Variants in CMIP observed in about 807,000 individuals in gnomAD.
CMIP encodes c-Maf inducing protein.
A neutral mutation model predicts 97.3 loss-of-function variants in CMIP; 13 were observed. The ratio of observed to expected loss-of-function variants is 0.13; its 90% CI spans 0.09 to 0.21. The LOEUF (loss-of-function observed/expected upper bound fraction) is 0.21. CMIP is among the 10% of genes least tolerant of loss of function. CMIP has a pLI of 1.00. For synonymous variants in CMIP, 538 were observed against 436.3 expected, an observed-to-expected ratio of 1.23 and a Z score of -2.91; for missense variants, 847 against 1,024.9, an observed-to-expected ratio of 0.83 and a Z score of 2.37.
chr16:81,620,750 T>C (rs1428568699), intron 2 of CMIP, 126 bp from the exon 3 acceptor site: 1 of 1,087,148 alleles, frequency 9.2e-7, no homozygotes, highest in African/African-American at 1.6e-5. Flanking sequence ...TTCAGCAGGC[T>C]TGTTAGGGTC....
chr16:81,586,741 C>T (rs544442510), intron 1 of CMIP, among the ~76,000 whole-genome samples: 26 of 152,314 alleles, frequency 1.7e-4, no homozygotes, highest in Non-Finnish European at 3.4e-4. Context: ...TCCACACCTG[C>T]ACACATACAC....
At chr16:81,452,909 A>G (rs1597443715) in intron 1 of CMIP, among the ~76,000 whole-genome samples, 1 of 128,868 alleles carries the variant, frequency 7.8e-6, no homozygotes, top group Non-Finnish European at 1.6e-5. Flanking sequence ...TTTTTTGCAA[A>G]CCTGGCTGCC....
At chr16:81,500,272 G>GTCCTTCCTTCCTTCCTTACTTCCT (rs2089576130) in intron 1 of CMIP, among the ~76,000 whole-genome samples, 1 of 64,792 alleles carries the variant, frequency 1.5e-5, no homozygotes, top group Non-Finnish European at 3.0e-5. Flanking sequence ...CCTTCCTTCC[G>GTCCTTCCTTCCTTCCTTACTTCCT]TCCTTCCTTC....
chr16:81,701,945 C>T (rs975989206), intron 16 of CMIP, 145 bp downstream of exon 16: 16 of 949,214 alleles, frequency 1.7e-5, no homozygotes, highest in Non-Finnish European at 2.4e-5. Flanking sequence ...GGTATTACCA[C>T]CTGCCACTTT....
Position 81,678,592 on chromosome 16 carries a change from G to T in CMIP, c.1352G>T (p.Arg451Leu), listed in dbSNP as rs959941897. 3 of 1,597,346 alleles carry T rather than the reference G, an allele frequency of 1.9e-6. No homozygotes were observed. Among genetic ancestry groups the T allele is most frequent in the Non-Finnish European group, 2.6e-6 (3 of 1,170,260 alleles). The change falls in exon 10 of 21, where the codon CGC (arginine) becomes CTC (leucine). Residue 451 changes from arginine (R) to leucine (L), a missense_variant. By Grantham distance (102) the Arg-to-Leu change is moderately radical. Coordinates refer to ENST00000537098, the MANE Select transcript of CMIP (RefSeq NM_198390.3). Reference protein sequence around the residue: ...MSIELGPQADRTLGCYVEILK... With the variant: ...MSIELGPQADLTLGCYVEILK... The stretch of plus-strand genomic sequence containing the variant: ...ATCGAGCTGGGCCCCCAGGCCGACC[G>T]CACGCTCGGCTGCTACGTGGAAATC...
chr16:81,705,368 C>A (rs910185006), intron 18 of CMIP, 131 bp from the exon 19 acceptor site: 3 of 644,856 alleles, frequency 4.7e-6, no homozygotes, highest in Admixed American at 2.8e-5. Flanking sequence ...AGCCCAGACC[C>A]CAGGGCTTGG....
At chr16:81,474,813 CTG>C (rs947155750) in intron 1 of CMIP, among the ~76,000 whole-genome samples, 13 of 151,584 alleles carry the variant, frequency 8.6e-5, no homozygotes, top group Non-Finnish European at 1.0e-4. Context: ...AGGACAGTCT[CTG>C]TGCCTAGGCC....
chr16:81,486,097 C>G (rs955815073), intron 1 of CMIP, among the ~76,000 whole-genome samples: 1 of 152,250 alleles, frequency 6.6e-6, no homozygotes, highest in Non-Finnish European at 1.5e-5. Context: ...TCACTCTGTT[C>G]TTGGCGTGTT....
intron 1 of CMIP, among the ~76,000 whole-genome samples, chr16:81,533,012 C>T (rs908093367): frequency 6.6e-6 from 1 of 152,134 alleles, no homozygotes; most frequent in Non-Finnish European, 1.5e-5. Context: ...ACCACACGCT[C>T]CCTCGCTTCC....
intron 1 of CMIP, among the ~76,000 whole-genome samples, chr16:81,592,410 C>T (rs1328584787): frequency 6.6e-6 from 1 of 152,196 alleles, no homozygotes; most frequent in Admixed American, 6.5e-5. Context: ...GCGCTCCCCT[C>T]CTTACCTTGA....
chr16:81,617,926 A>C (rs1597153001), intron 2 of CMIP, among the ~76,000 whole-genome samples: 1 of 152,338 alleles, frequency 6.6e-6, no homozygotes, highest in East Asian at 1.9e-4. Context: ...CAGTGGACAC[A>C]GAAGAGGGAG....
At chr16:81,605,428 G>T (rs748418461) in intron 1 of CMIP, among the ~76,000 whole-genome samples, 1 of 152,192 alleles carries the variant, frequency 6.6e-6, no homozygotes, top group Non-Finnish European at 1.5e-5. Flanking sequence ...CAGCCTGCAG[G>T]CTGTCCCCCT....
chr16:81,448,545 C>T (rs1414445445), intron 1 of CMIP, among the ~76,000 whole-genome samples: 1 of 152,198 alleles, frequency 6.6e-6, no homozygotes, highest in East Asian at 1.9e-4. Flanking sequence ...CCAGCAGCCT[C>T]ACCCGCCTGG....
intron 1 of CMIP, among the ~76,000 whole-genome samples, chr16:81,452,885 GTTTTTTT>G (rs558606255): frequency 3.1e-5 from 4 of 129,242 alleles, no homozygotes; most frequent in African/African-American, 5.8e-5. Context: ...TTTTTGTTTT[GTTTTTTT>G]TTTTTTTTTT....
At chr16:81,493,926 C>T (rs953157955) in intron 1 of CMIP, among the ~76,000 whole-genome samples, 2 of 152,252 alleles carry the variant, frequency 1.3e-5, no homozygotes, top group African/African-American at 2.4e-5. Flanking sequence ...CTCGCCTGTA[C>T]ACTGGTGCTT....
At chr16:81,539,107 G>C (rs1328064889) in intron 1 of CMIP, among the ~76,000 whole-genome samples, 1 of 152,218 alleles carries the variant, frequency 6.6e-6, no homozygotes, top group South Asian at 2.1e-4. Flanking sequence ...CCATTCGCTT[G>C]AATGTCATAT....
intron 1 of CMIP, among the ~76,000 whole-genome samples, chr16:81,571,734 T>C (rs1335959437): frequency 6.6e-6 from 1 of 152,140 alleles, no homozygotes; most frequent in Non-Finnish European, 1.5e-5. Flanking sequence ...GAGCACGTCG[T>C]GCACCTTGCG....
rs9935646 is a variant in CMIP, at chr16:81,474,143, C to T, written c.300+28602C>T. ...GGCTGGGCACGGCCTCTCCACTCCC[C>T]CAGCCTCCTAGCCCACTGTACTCAG... is the stretch of plus-strand genomic sequence containing the variant. On this transcript the variant is annotated intron_variant, in intron 1 of 20. Coordinates refer to ENST00000537098, the MANE Select transcript of CMIP (RefSeq NM_198390.3). 4.4e-3 allele frequency among the ~76,000 whole-genome samples: 663 copies of T among 152,280 alleles called. 6 individuals carry two copies. The highest frequency in any genetic ancestry group is 0.014 in the African/African-American group (592 of 41,554).
At chr16:81,691,744 C>G in intron 10 of CMIP, 31 bp from the exon 11 acceptor site, 20 of 1,604,828 alleles carry the variant, frequency 1.2e-5, no homozygotes, top group Non-Finnish European at 1.5e-5. Flanking sequence ...TTGTCCCAAC[C>G]AAAGCTGACT....
Sources: allele counts gnomAD v4.1 joint callset (sites outside exome capture counted in the v4.1 genomes callset), GRCh38; gene constraint gnomAD v4.1.1; transcripts MANE v1.5; gene names NCBI Gene and HGNC (gene_info 2026-07-23, HGNC 2026-07-21).